Variants in RAPGEF2 observed in about 807,000 individuals in gnomAD.
The protein encoded by RAPGEF2 is PDZ domain containing guanine nucleotide exchange factor (GEF) 1.
RAPGEF2 carries 54 observed loss-of-function variants against 186.7 expected under a neutral mutation model. The ratio of observed to expected loss-of-function variants is 0.29; its 90% CI spans 0.23 to 0.36. The LOEUF is 0.36. Among genes scored for constraint, RAPGEF2 ranks in the 10% least tolerant of loss-of-function variants. The pLI is 1.00. For missense variants in RAPGEF2, 1,532 were observed against 2,045.0 expected, an observed-to-expected ratio of 0.75 and a Z score of 4.84; for synonymous variants, 712 against 705.9, an observed-to-expected ratio of 1.01 and a Z score of -0.14.
intron 3 of RAPGEF2, among the ~76,000 whole-genome samples, chr4:159,205,432 T>C (rs771424065): frequency 6.6e-5 from 10 of 152,186 alleles, no homozygotes; most frequent in Non-Finnish European, 1.2e-4. Flanking sequence ...AAACCCACTA[T>C]ATGTTGAAAA....
intron 7 of RAPGEF2, among the ~76,000 whole-genome samples, chr4:159,298,276 A>G (rs1303025627): frequency 9.2e-5 from 14 of 152,182 alleles, no homozygotes; most frequent in Non-Finnish European, 2.9e-5. Flanking sequence ...TATATTTTAC[A>G]AAAATCTTTC....
chr4:159,355,746 A>T, intron 28 of RAPGEF2, 107 bp from the exon 29 acceptor site: 1 of 1,089,276 alleles, frequency 9.2e-7, no homozygotes. Context: ...GCAAATGCAC[A>T]TCTGCTGCTA....
At chr4:159,207,255 A>G (rs948077624) in intron 3 of RAPGEF2, among the ~76,000 whole-genome samples, 3 of 152,352 alleles carry the variant, frequency 2.0e-5, no homozygotes, top group African/African-American at 4.8e-5. Flanking sequence ...ATTTCCTGAT[A>G]TAAAGAGTCA....
chr4:159,146,308 TA>T (rs965203659), intron 1 of RAPGEF2, among the ~76,000 whole-genome samples: 9 of 151,872 alleles, frequency 5.9e-5, no homozygotes, highest in African/African-American at 2.2e-4. Flanking sequence ...AATTATGCCA[TA>T]AAAAATCAGA....
chr4:159,258,218 T>C (rs545428577), intron 7 of RAPGEF2, among the ~76,000 whole-genome samples: 3 of 152,352 alleles, frequency 2.0e-5, no homozygotes, highest in Admixed American at 1.3e-4. Flanking sequence ...CATGCCTTTT[T>C]AGAGCTGCTA....
At chr4:159,200,371 G>A (rs1039768127) in intron 3 of RAPGEF2, among the ~76,000 whole-genome samples, 4 of 152,144 alleles carry the variant, frequency 2.6e-5, no homozygotes, top group African/African-American at 9.7e-5. Context: ...AGGAGGCTGA[G>A]GTGGGAAGGT....
intron 7 of RAPGEF2, among the ~76,000 whole-genome samples, chr4:159,260,897 C>A (rs935580320): frequency 1.3e-5 from 2 of 151,936 alleles, no homozygotes; most frequent in African/African-American, 4.8e-5. Flanking sequence ...TACAGGCATG[C>A]GCCACCATGC....
chr4:159,351,665 G>A (rs137890227), intron 26 of RAPGEF2, among the ~76,000 whole-genome samples: 601 of 152,162 alleles, frequency 3.9e-3, no homozygotes, highest in African/African-American at 0.013. Flanking sequence ...AGATAGGGCC[G>A]GGTGCAGTGG....
Position 159,355,961 on chromosome 4 carries a change from C to G in RAPGEF2, c.4760C>G (p.Pro1587Arg). 1 of 1,611,812 alleles carries G rather than the reference C, an allele frequency of 6.2e-7. No homozygotes were observed. The highest frequency in any genetic ancestry group is 8.5e-7 in the Non-Finnish European group (1 of 1,179,140). Residue 1587 changes from proline (P) to arginine (R), a missense_variant, in exon 29 of 30, where the codon CCG becomes CGG. Transcript: ENST00000691494. Reference sequence around the variant, plus strand: ...CACTCCCATCCAGCCAGGAAACCGCCGGACTACAACGTGGCCCTTCAGAGA... The same window carrying G: ...CACTCCCATCCAGCCAGGAAACCGCGGGACTACAACGTGGCCCTTCAGAGA... ...EGHSHPARKP[P>R]DYNVALQRSR... is the part of the protein sequence containing the mutation.
intron 1 of RAPGEF2, among the ~76,000 whole-genome samples, chr4:159,168,711 C>T (rs997613433): frequency 3.3e-5 from 5 of 152,108 alleles, no homozygotes; most frequent in Non-Finnish European, 7.3e-5. Flanking sequence ...ATGTAGGATA[C>T]GGTCACGTTT....
chr4:159,280,143 G>A (rs1759496580), intron 7 of RAPGEF2, among the ~76,000 whole-genome samples: 1 of 152,166 alleles, frequency 6.6e-6, no homozygotes, highest in Admixed American at 6.5e-5. Context: ...CTATTTGGGT[G>A]ATATGATTGC....
intron 7 of RAPGEF2, among the ~76,000 whole-genome samples, chr4:159,279,993 C>T (rs1433905419): frequency 1.3e-5 from 2 of 152,092 alleles, no homozygotes; most frequent in Non-Finnish European, 2.9e-5. Context: ...CCTATATGCA[C>T]ATTTTCTCTT....
intron 3 of RAPGEF2, among the ~76,000 whole-genome samples, chr4:159,194,829 C>CCTAT (rs1309613354): frequency 6.6e-5 from 10 of 152,108 alleles, no homozygotes; most frequent in African/African-American, 2.4e-4. Context: ...CCCAACCCTC[C>CCTAT]CTATCTACCT....
chr4:159,120,061 C>T (rs1739490599), intron 1 of RAPGEF2, among the ~76,000 whole-genome samples: 1 of 152,084 alleles, frequency 6.6e-6, no homozygotes, highest in Non-Finnish European at 1.5e-5. Context: ...TCTCTGTTGT[C>T]CAGACTGGAG....
intron 17 of RAPGEF2, 184 bp downstream of exon 17, chr4:159,332,881 T>C (rs926125428): frequency 1.8e-6 from 1 of 555,780 alleles, no homozygotes. Context: ...CTTATTTGGC[T>C]ACTCCCAATC....
chr4:159,351,068 G>A, intron 26 of RAPGEF2: 2 of 1,532,748 alleles, frequency 1.3e-6, no homozygotes, highest in African/African-American at 1.4e-5. Context: ...GGTGGCAGTG[G>A]CAATCAGCTG....
At chr4:159,277,662 T>C (rs1390931126) in intron 7 of RAPGEF2, among the ~76,000 whole-genome samples, 2 of 152,254 alleles carry the variant, frequency 1.3e-5, no homozygotes, top group Non-Finnish European at 2.9e-5. Context: ...TGATTTGTGT[T>C]TCTCTGATGG....
intron 1 of RAPGEF2, among the ~76,000 whole-genome samples, chr4:159,127,020 T>TTTG (rs139610963): frequency 6.6e-6 from 1 of 152,144 alleles, no homozygotes; most frequent in Non-Finnish European, 1.5e-5. Context: ...ATTTGCATTT[T>TTTG]TTGTTGTTGT....
chr4:159,258,485 A>G (rs1317527752), intron 7 of RAPGEF2, among the ~76,000 whole-genome samples: 3 of 152,210 alleles, frequency 2.0e-5, no homozygotes, highest in Non-Finnish European at 2.9e-5. Flanking sequence ...ACAAAAGGGC[A>G]GGCACAATTC....
Sources: gnomAD v4.1 joint callset for allele counts (sites outside exome capture counted in the v4.1 genomes callset) on GRCh38, gnomAD v4.1.1 for gene constraint, MANE v1.5 for transcripts, NCBI Gene and HGNC (gene_info 2026-07-23, HGNC 2026-07-21) for gene names.